POU2F1: variants seen among roughly 807,000 people sequenced by gnomAD.
POU2F1 encodes the protein POU domain, class 2, transcription factor 1.
In POU2F1, 16 loss-of-function variants were observed where a neutral mutation model predicts 84.9. The ratio of observed to expected loss-of-function variants is 0.19; its 90% CI spans 0.13 to 0.29. POU2F1 has a LOEUF of 0.29. Among genes scored for constraint, POU2F1 ranks in the 10% least tolerant of loss-of-function variants. POU2F1 has a pLI of 1.00. For synonymous variants in POU2F1, 368 were observed against 368.3 expected (o/e 1.00, Z 0.01); for missense variants, 738 against 942.6 (o/e 0.78, Z 2.84).
chr1:167,329,105 G>T, intron 1 of POU2F1: 3 of 1,318,978 alleles, frequency 2.3e-6, no homozygotes, highest in Non-Finnish European at 2.9e-6. Context: ...TGTAACAGAA[G>T]TTGTATTTTG....
At chr1:167,410,866 T>C (rs1224635370) in intron 13 of POU2F1, among the ~76,000 whole-genome samples, 1 of 152,108 alleles carries the variant, frequency 6.6e-6, no homozygotes, top group Non-Finnish European at 1.5e-5. Context: ...ATTACATATG[T>C]CTTGTATTTC....
chr1:167,264,724 T>A (rs921468252), intron 1 of POU2F1, among the ~76,000 whole-genome samples: 1 of 152,304 alleles, frequency 6.6e-6, no homozygotes, highest in Non-Finnish European at 1.5e-5. Flanking sequence ...TTTATCTTTT[T>A]TCTTAAGAAA....
intron 1 of POU2F1, among the ~76,000 whole-genome samples, chr1:167,267,630 C>CTGTTTTT (rs1652063140): frequency 2.8e-5 from 2 of 70,464 alleles, no homozygotes; most frequent in South Asian, 6.9e-4. Context: ...GTTACTGTGT[C>CTGTTTTT]TTTTTTTTTT....
At chr1:167,307,194 A>G (rs1302258026) in intron 1 of POU2F1, among the ~76,000 whole-genome samples, 1 of 152,176 alleles carries the variant, frequency 6.6e-6, no homozygotes, top group Non-Finnish European at 1.5e-5. Context: ...AAGTGATGAC[A>G]CCAACTGTGT....
chr1:167,412,054 C>A lies in POU2F1; in HGVS notation c.1651C>A (p.Pro551Thr). 6.2e-7 allele frequency: 1 copy of A among 1,614,222 alleles called. No homozygotes were observed. The highest frequency in any genetic ancestry group is 1.1e-5 in the South Asian group (1 of 91,088). ...CACGTCCCCCTCTCTGAGTCCCTCC[C>A]CTTCTGCCTCAGCCTCCACCTCCGA... ...AVTSPSLSPS[P>T]SASASTSEAS... is the part of the protein sequence containing the mutation. Residue 551 changes from proline (P) to threonine (T), a missense_variant, in exon 14 of 16, where the codon CCT becomes ACT. Physicochemically the swap from Pro to Thr is conservative, Grantham distance 38 (BLOSUM62 -1). Around this residue, in one of 4 missense-constraint regions of POU2F1, gnomAD observed 319 missense variants for 386.0 expected, o/e 0.83. Transcript: ENST00000367866.
chr1:167,284,333 T>C (rs1409473800), intron 1 of POU2F1, among the ~76,000 whole-genome samples: 1 of 152,184 alleles, frequency 6.6e-6, no homozygotes, highest in Non-Finnish European at 1.5e-5. Flanking sequence ...TTCTTGATAG[T>C]AGAATGACAG....
chr1:167,339,963 T>A (rs1335411301), intron 2 of POU2F1, among the ~76,000 whole-genome samples: 1 of 152,242 alleles, frequency 6.6e-6, no homozygotes, highest in African/African-American at 2.4e-5. Flanking sequence ...AAAAACCTCA[T>A]GAAACATTAT....
At chr1:167,331,287 C>T (rs1232039081) in intron 1 of POU2F1, among the ~76,000 whole-genome samples, 1 of 151,988 alleles carries the variant, frequency 6.6e-6, no homozygotes, top group Non-Finnish European at 1.5e-5. Flanking sequence ...AAGAAAGACT[C>T]CTGATTTTTT....
chr1:167,318,370 T>A (rs1656066819), intron 1 of POU2F1, among the ~76,000 whole-genome samples: 1 of 152,214 alleles, frequency 6.6e-6, no homozygotes, highest in African/African-American at 2.4e-5. Context: ...GAACATAGTG[T>A]GGCCATGGCA....
chr1:167,321,492 A>T (rs1173947410), intron 1 of POU2F1, among the ~76,000 whole-genome samples: 2 of 152,172 alleles, frequency 1.3e-5, no homozygotes, highest in Non-Finnish European at 2.9e-5. Context: ...TGGCCCTAAG[A>T]TCTGTCAACA....
chr1:167,413,151 A>G (rs956683023), intron 15 of POU2F1, 37 bp downstream of exon 15: 5 of 1,474,090 alleles, frequency 3.4e-6, no homozygotes, highest in Non-Finnish European at 1.9e-6. Flanking sequence ...GGTGGCATGC[A>G]CGTGTGTGTG....
At chr1:167,325,371 A>G (rs1235952063) in intron 1 of POU2F1, among the ~76,000 whole-genome samples, 2 of 152,180 alleles carry the variant, frequency 1.3e-5, no homozygotes, top group African/African-American at 4.8e-5. Flanking sequence ...TCAACTAGTT[A>G]TATGGTCAGT....
Position 167,230,689 on chromosome 1 carries a change from G to T in POU2F1, c.61+9731G>T, listed in dbSNP as rs527475611. Among the ~76,000 whole-genome samples the T allele has an allele frequency of 3.9e-5, 6 of 152,274 alleles. No homozygotes were observed. The East Asian group carries it at 1.2e-3, about 29-fold the overall frequency. ...TCTCTGAAATTAGCACTTAATTTGT[G>T]TTCAGTTACCCAATTCAGCACTTCA... On this transcript the variant is annotated intron_variant, in intron 1 of 15. Coordinates refer to ENST00000367866, the MANE Select transcript of POU2F1 (RefSeq NM_002697.4).
At chr1:167,319,452 C>A (rs543496232) in intron 1 of POU2F1, among the ~76,000 whole-genome samples, 1 of 151,956 alleles carries the variant, frequency 6.6e-6, no homozygotes, top group Non-Finnish European at 1.5e-5. Context: ...TGTGGTGTCC[C>A]GTAGTTCCTG....
chr1:167,365,505 G>C lies in POU2F1; in HGVS notation c.166G>C (p.Val56Leu). The change falls in exon 3 of 16, where the codon GTG (valine) becomes CTG (leucine). Residue 56 changes from valine (V) to leucine (L), a missense_variant. Physicochemically the swap from Val to Leu is conservative, Grantham distance 32. Transcript: ENST00000367866. The stretch of plus-strand genomic sequence containing the variant: ...TGGTCTGGACTTTCAGAAGCAGCCT[G>C]TGCCTGTAGGAGGAGCAATCTCAAC... Reference protein sequence around the residue: ...TNGLDFQKQPVPVGGAISTAQ... With the variant: ...TNGLDFQKQPLPVGGAISTAQ... 6.2e-7 allele frequency: 1 copy of C among 1,603,072 alleles called. No individual in the cohort carries two copies. The highest frequency in any genetic ancestry group is 8.5e-7 in the Non-Finnish European group (1 of 1,175,290).
chr1:167,374,017 T>G, intron 5 of POU2F1, 91 bp from the exon 6 acceptor site: 1 of 1,214,688 alleles, frequency 8.2e-7, no homozygotes, highest in Non-Finnish European at 1.2e-6. Flanking sequence ...GGGACTGATA[T>G]CATTTGAGTT....
chr1:167,240,867 G>A (rs1175953726), intron 1 of POU2F1, among the ~76,000 whole-genome samples: 1 of 152,146 alleles, frequency 6.6e-6, no homozygotes, highest in East Asian at 1.9e-4. Flanking sequence ...AAAAGGCCGG[G>A]CGCGGTGGCT....
intron 6 of POU2F1, 97 bp from the exon 7 acceptor site, chr1:167,375,932 T>C (rs1264958919): frequency 3.6e-6 from 5 of 1,406,512 alleles, no homozygotes; most frequent in Non-Finnish European, 4.9e-6. Flanking sequence ...TACTCTTCTT[T>C]ATTTGGATGT....
chr1:167,426,208 A>G lies in POU2F1; in HGVS notation c.*10398A>G, dbSNP rs1557984989. 1 of 143,416 alleles carries G rather than the reference A, an allele frequency of 7.0e-6. No homozygotes were observed. Among genetic ancestry groups the G allele is most frequent in the Non-Finnish European group, 1.5e-5 (1 of 65,920 alleles). The allele number at this position is 143,416 out of a possible 1,614,324, so 8.9% of individuals were successfully genotyped here. On this transcript the variant is annotated 3_prime_UTR_variant, in exon 16 of 16. Coordinates refer to ENST00000367866, the MANE Select transcript of POU2F1 (RefSeq NM_002697.4). ...TAACCTCAGTAATTCCAAAGCTTAG[A>G]TGTATATTTTGGTATATTTCTGGGA...
Sources: gnomAD v4.1 joint callset for allele counts (sites outside exome capture counted in the v4.1 genomes callset) on GRCh38, gnomAD v4.1.1 for gene constraint, gnomAD v4.1.1 regional missense constraint, MANE v1.5 for transcripts, NCBI Gene and HGNC (gene_info 2026-07-23, HGNC 2026-07-21) for gene names.